Variants in SNAP25 observed in about 807,000 individuals in gnomAD.
SNAP25 encodes the protein synaptosomal-associated protein 25.
In SNAP25, 3 loss-of-function variants were observed where a neutral mutation model predicts 28.7. The observed-to-expected ratio is 0.10, with a 90% confidence interval of 0.05 to 0.27. The LOEUF (loss-of-function observed/expected upper bound fraction) is 0.27. Ranked by LOEUF, SNAP25 falls within the 10% of genes least tolerant of loss-of-function variation. The probability of loss-of-function intolerance (pLI) is 1.00; values close to 1 mark genes in which losing one functional copy is unlikely to be tolerated. For synonymous variants in SNAP25, 61 were observed against 88.1 expected (o/e 0.69, Z 1.72); for missense variants, 117 against 278.7 (o/e 0.42, Z 4.13).
chr20:10,225,230 A>C (rs2062713478), intron 1 of SNAP25, among the ~76,000 whole-genome samples: 2 of 117,464 alleles, frequency 1.7e-5, no homozygotes, highest in South Asian at 6.1e-4. Flanking sequence ...CATGTCCCGG[A>C]GGGGAAAAAA....
In SNAP25 at chr20:10,293,516, A is replaced by C. The variant is rs1834735059; in HGVS notation, c.281+238A>C. Among the ~76,000 whole-genome samples, 2 of 152,232 alleles carry C rather than the reference A, an allele frequency of 1.3e-5. No homozygotes were observed. Among genetic ancestry groups the C allele is most frequent in the Non-Finnish European group, 2.9e-5 (2 of 68,024 alleles). ...TCACTGTCAGCAACTTTTATTGATGAACGTTTCAACATTTTCCAGAAAGTG... is the reference window on the plus strand; with the variant it reads ...TCACTGTCAGCAACTTTTATTGATGCACGTTTCAACATTTTCCAGAAAGTG... On this transcript the variant is annotated intron_variant, in intron 5 of 7. Coordinates refer to ENST00000254976, the MANE Select transcript of SNAP25 (RefSeq NM_130811.4). This position sits in a 1 kb window ranked among gnomAD's most constrained non-coding sequence, Gnocchi z 5.6.
At chr20:10,250,404 C>G (rs2063204515) in intron 1 of SNAP25, among the ~76,000 whole-genome samples, 2 of 152,250 alleles carry the variant, frequency 1.3e-5, no homozygotes, top group South Asian at 2.1e-4. Context: ...TCATGATACA[C>G]ATTGTGGGGG....
chr20:10,276,260 G>A (rs888129502), intron 2 of SNAP25, among the ~76,000 whole-genome samples: 1 of 152,112 alleles, frequency 6.6e-6, no homozygotes, highest in African/African-American at 2.4e-5. Flanking sequence ...ACCAGCCTGA[G>A]CAACATAGAG....
intron 1 of SNAP25, among the ~76,000 whole-genome samples, chr20:10,266,358 T>A (rs1463464916): frequency 6.6e-6 from 1 of 152,078 alleles, no homozygotes; most frequent in East Asian, 1.9e-4. Flanking sequence ...ACCAAACCCA[T>A]TTTTGATCAT....
At chr20:10,274,544 G>T (rs921220308) in intron 1 of SNAP25, among the ~76,000 whole-genome samples, 1 of 152,144 alleles carries the variant, frequency 6.6e-6, no homozygotes, top group Non-Finnish European at 1.5e-5. Context: ...CTAATGTATA[G>T]TGACAGAAAG....
At chr20:10,225,373 A>G (rs1250167059) in intron 1 of SNAP25, among the ~76,000 whole-genome samples, 1 of 152,130 alleles carries the variant, frequency 6.6e-6, no homozygotes, top group Non-Finnish European at 1.5e-5. Context: ...CTCAGCAGTG[A>G]CTGACTTACT....
intron 3 of SNAP25, among the ~76,000 whole-genome samples, chr20:10,283,278 A>T (rs1439824597): frequency 3.3e-5 from 5 of 152,352 alleles, no homozygotes; most frequent in Non-Finnish European, 7.3e-5. Flanking sequence ...TGAGGTATTA[A>T]CTGTTGTCAT....
intron 1 of SNAP25, among the ~76,000 whole-genome samples, chr20:10,221,843 A>G (rs1169069835): frequency 6.6e-6 from 1 of 152,402 alleles, no homozygotes. Flanking sequence ...AGCCTTCAGC[A>G]TAACACGTAG....
At chr20:10,291,731 C>T (rs1404845741) in intron 4 of SNAP25, among the ~76,000 whole-genome samples, 1 of 152,162 alleles carries the variant, frequency 6.6e-6, no homozygotes, top group Non-Finnish European at 1.5e-5. Context: ...TGGAAATGTA[C>T]TTATCAGTTG....
chr20:10,295,633 T>C (rs362991), intron 5 of SNAP25, among the ~76,000 whole-genome samples: 2 of 151,968 alleles, frequency 1.3e-5, no homozygotes, highest in African/African-American at 4.8e-5. Flanking sequence ...TTTTAATAGA[T>C]GGCTGTGGTC....
intron 1 of SNAP25, among the ~76,000 whole-genome samples, chr20:10,266,356 C>G (rs1260137664): frequency 6.6e-6 from 1 of 152,196 alleles, no homozygotes; most frequent in African/African-American, 2.4e-5. Context: ...GCACCAAACC[C>G]ATTTTTGATC....
intron 7 of SNAP25, among the ~76,000 whole-genome samples, chr20:10,301,254 C>T (rs573479611): frequency 9.8e-5 from 15 of 152,308 alleles, no homozygotes; most frequent in African/African-American, 3.6e-4. Flanking sequence ...AAGACAGAGA[C>T]ATATGCAGCT....
chr20:10,258,849 C>A (rs1165784587), intron 1 of SNAP25, among the ~76,000 whole-genome samples: 1 of 152,176 alleles, frequency 6.6e-6, no homozygotes, highest in Non-Finnish European at 1.5e-5. Flanking sequence ...GACACTTTGG[C>A]CAGGGACCTT....
intron 4 of SNAP25, among the ~76,000 whole-genome samples, chr20:10,290,564 T>G (rs2063974322): frequency 6.6e-6 from 1 of 152,094 alleles, no homozygotes; most frequent in Non-Finnish European, 1.5e-5. Context: ...TGTGCACCAA[T>G]TCACATATAT....
intron 1 of SNAP25, among the ~76,000 whole-genome samples, chr20:10,221,594 A>T (rs764801576): frequency 6.6e-6 from 1 of 152,228 alleles, no homozygotes; most frequent in South Asian, 2.1e-4. Flanking sequence ...TCAGTGTTCA[A>T]ATTACAGAAC....
At chr20:10,275,596 A>C in intron 2 of SNAP25, 33 bp downstream of exon 2, 2 of 1,557,734 alleles carry the variant, frequency 1.3e-6, no homozygotes, top group Non-Finnish European at 1.7e-6. Context: ...GGGAGGCAAA[A>C]GATGAAGGCC....
intron 1 of SNAP25, among the ~76,000 whole-genome samples, chr20:10,228,970 G>A (rs2122648898): frequency 6.6e-6 from 1 of 152,230 alleles, no homozygotes; most frequent in African/African-American, 2.4e-5. Context: ...TCTATTTGGG[G>A]AAAGATTTTT....
At chr20:10,222,787 T>G (rs2062658201) in intron 1 of SNAP25, among the ~76,000 whole-genome samples, 1 of 152,226 alleles carries the variant, frequency 6.6e-6, no homozygotes, top group African/African-American at 2.4e-5. Context: ...GAAGCATCTT[T>G]TAAGACTACT....
intron 1 of SNAP25, among the ~76,000 whole-genome samples, chr20:10,233,659 A>G (rs1203683014): frequency 6.6e-6 from 1 of 152,168 alleles, no homozygotes; most frequent in Non-Finnish European, 1.5e-5. Context: ...TTCTCTCTCA[A>G]GGTGGAAGAA....
Sources: gnomAD v4.1 joint callset for allele counts (sites outside exome capture counted in the v4.1 genomes callset) on GRCh38, gnomAD v4.1.1 for gene constraint, Gnocchi (gnomAD v3.1) non-coding constraint, MANE v1.5 for transcripts, NCBI Gene and HGNC (gene_info 2026-07-23, HGNC 2026-07-21) for gene names.